The following DGKG variants were observed in gnomAD, a reference collection of about 807,000 sequenced individuals.
The protein encoded by DGKG is DAG kinase gamma.
A neutral mutation model predicts 105.3 loss-of-function variants in DGKG; 78 were observed. That is an observed-to-expected ratio of 0.74 (90% CI 0.62 to 0.89). The LOEUF (loss-of-function observed/expected upper bound fraction) is 0.89, where lower values mean the gene tolerates loss of function less well. Ranked by LOEUF, DGKG falls within the 40% of genes least tolerant of loss-of-function variation. DGKG has a pLI of 0.00. For synonymous variants in DGKG, 346 were observed against 367.1 expected (o/e 0.94, Z 0.66); for missense variants, 958 against 1,020.1 (o/e 0.94, Z 0.83).
chr3:186,265,431 C>T (rs1343690700), intron 13 of DGKG, 125 bp from the exon 14 acceptor site: 18 of 859,124 alleles, frequency 2.1e-5, no homozygotes, highest in Admixed American at 4.6e-5. Flanking sequence ...AGTATGGAGA[C>T]GAGGTTTTCA....
chr3:186,268,511 A>G (rs1165197347), intron 12 of DGKG, among the ~76,000 whole-genome samples: 2 of 152,192 alleles, frequency 1.3e-5, no homozygotes, highest in Admixed American at 6.5e-5. Context: ...AAAGAAGTTC[A>G]TAGTCGGGGC....
intron 2 of DGKG, chr3:186,313,504 C>T (rs1056407709): frequency 1.4e-5 from 14 of 985,150 alleles, no homozygotes; most frequent in Admixed American, 6.2e-5. Flanking sequence ...CTTCATCAGT[C>T]GTATTTCAAG....
intron 5 of DGKG, among the ~76,000 whole-genome samples, chr3:186,296,358 T>C (rs550817379): frequency 6.6e-6 from 1 of 152,350 alleles, no homozygotes; most frequent in African/African-American, 2.4e-5. Flanking sequence ...AACCCAGGCA[T>C]CCTGGCTCCT....
chr3:186,270,971 G>T (rs1476170152), intron 11 of DGKG, among the ~76,000 whole-genome samples: 1 of 152,216 alleles, frequency 6.6e-6, no homozygotes, highest in Non-Finnish European at 1.5e-5. Flanking sequence ...CCGGTGAAAG[G>T]CATGGACATG....
At chr3:186,169,415 A>G (rs1716710073) in intron 22 of DGKG, among the ~76,000 whole-genome samples, 1 of 152,190 alleles carries the variant, frequency 6.6e-6, no homozygotes, top group African/African-American at 2.4e-5. Context: ...ATAAGTGTGC[A>G]TTAATGTTAT....
At position 186,242,543 on chromosome 3, in the gene DGKG, T is replaced by C; in HGVS notation, c.1787A>G (p.His596Arg). ...TTCAGGATGTTTCTCTCTCATCACA[T>C]GGAATCTGTGTGCAATGGAAGCGTC... ...GVDASIAHRF[H>R]VMREKHPEKF... is the part of the protein sequence containing the mutation. Residue 596 changes from histidine to arginine, a missense_variant, in exon 20 of 25, where the codon CAT (histidine) becomes CGT (arginine). Physicochemically the swap from His to Arg is conservative, Grantham distance 29. Transcript: ENST00000265022. The C allele has an allele frequency of 6.2e-7, 1 of 1,613,754 alleles. No homozygotes were observed. Among genetic ancestry groups the C allele is most frequent in the Non-Finnish European group, 8.5e-7 (1 of 1,179,778 alleles).
chr3:186,230,757 G>A (rs1340897761), intron 20 of DGKG, among the ~76,000 whole-genome samples: 1 of 152,174 alleles, frequency 6.6e-6, no homozygotes, highest in Non-Finnish European at 1.5e-5. Context: ...AGGAGCACAG[G>A]AGGCAAGCGG....
At chr3:186,241,245 A>C in intron 20 of DGKG, among the ~76,000 whole-genome samples, 1 of 152,116 alleles carries the variant, frequency 6.6e-6, no homozygotes. Flanking sequence ...GCTTTAAATG[A>C]ATGTCTTCAA....
chr3:186,290,051 G>C (rs1723246290), intron 5 of DGKG, among the ~76,000 whole-genome samples: 1 of 152,130 alleles, frequency 6.6e-6, no homozygotes, highest in Non-Finnish European at 1.5e-5. Context: ...TATTACAGAG[G>C]GCCTCATGAA....
intron 24 of DGKG, chr3:186,158,875 T>G (rs1005366735): frequency 1.1e-6 from 1 of 942,432 alleles, no homozygotes; most frequent in Non-Finnish European, 1.3e-6. Flanking sequence ...ATGTGTTTAC[T>G]TATTCTGCTT....
chr3:186,248,379 G>A (rs1316503257), intron 19 of DGKG, among the ~76,000 whole-genome samples: 1 of 152,220 alleles, frequency 6.6e-6, no homozygotes, highest in Non-Finnish European at 1.5e-5. Flanking sequence ...TGCTTAGAGG[G>A]CTAGTTCTCC....
intron 20 of DGKG, among the ~76,000 whole-genome samples, chr3:186,217,926 C>T (rs1719374773): frequency 6.6e-6 from 1 of 152,174 alleles, no homozygotes; most frequent in African/African-American, 2.4e-5. Context: ...GAAGGTATTC[C>T]TCTTTGTGGT....
At chr3:186,297,297 G>A in intron 5 of DGKG, 124 bp downstream of exon 5, 3 of 735,536 alleles carry the variant, frequency 4.1e-6, no homozygotes, top group Non-Finnish European at 7.2e-6. Context: ...GCCACAGGAG[G>A]ACCAGATCTG....
rs146500564 is a variant in DGKG, at chr3:186,147,988, A to G, written c.*2102T>C. On this transcript the variant is annotated 3_prime_UTR_variant, in exon 25 of 25. Coordinates refer to ENST00000265022, the MANE Select transcript of DGKG (RefSeq NM_001346.3). ...CAGAATGGTCCAAGATCTTGCTCCT[A>G]GGTGGTCCTTCACAGTTAAGTGCCA... The G allele has an allele frequency of 2.0e-6, 2 of 985,300 alleles. No individual in the cohort carries two copies. Among genetic ancestry groups the G allele is most frequent in the African/African-American group, 3.5e-5 (2 of 57,214 alleles). 61.0% of individuals were successfully genotyped at this position (985,300 alleles called of 1,614,324 possible).
chr3:186,160,889 G>A (rs1417189790), intron 24 of DGKG: 1 of 985,284 alleles, frequency 1.0e-6, no homozygotes, highest in East Asian at 1.1e-4. Flanking sequence ...TAACGGATAT[G>A]GTAAGTCTGG....
intron 1 of DGKG, among the ~76,000 whole-genome samples, chr3:186,358,000 AACAG>A (rs1325516385): frequency 6.6e-6 from 1 of 152,258 alleles, no homozygotes; most frequent in Non-Finnish European, 1.5e-5. Flanking sequence ...CACATGTGAA[AACAG>A]ACAGCACAGC....
chr3:186,164,809 T>G, intron 23 of DGKG, 89 bp downstream of exon 23: 1 of 1,469,756 alleles, frequency 6.8e-7, no homozygotes, highest in Non-Finnish European at 9.1e-7. Context: ...CTCCCTGCCC[T>G]AAAATCCAAA....
In DGKG at chr3:186,330,977, C is replaced by T. The variant is rs115122048; in HGVS notation, c.-248-10270G>A. Among the ~76,000 whole-genome samples, 1,197 of 152,312 alleles carry T rather than the reference C, an allele frequency of 7.9e-3. 19 individuals carry two copies. Among genetic ancestry groups the T allele is most frequent in the African/African-American group, 0.027 (1,124 of 41,572 alleles). On this transcript the variant is annotated intron_variant, in intron 1 of 24. Transcript: ENST00000265022. ...TTTTAGGGGCAGGTTATGCATGTGT[C>T]TATTTGGCAACAGAATCTGCATGAT...
intron 1 of DGKG, among the ~76,000 whole-genome samples, chr3:186,354,251 A>G (rs1726795735): frequency 6.6e-6 from 1 of 152,194 alleles, no homozygotes; most frequent in African/African-American, 2.4e-5. Flanking sequence ...ACTATGAGCC[A>G]CTGTTCCCAG....
Sources: allele counts gnomAD v4.1 joint callset (sites outside exome capture counted in the v4.1 genomes callset), GRCh38; gene constraint gnomAD v4.1.1; transcripts MANE v1.5; gene names NCBI Gene and HGNC (gene_info 2026-07-23, HGNC 2026-07-21).